The following ATRN variants were observed in gnomAD, a reference collection of about 807,000 sequenced individuals.
The protein encoded by ATRN is attractin-2.
In ATRN, 54 loss-of-function variants were observed where a neutral mutation model predicts 178.7. That is an observed-to-expected ratio of 0.30 (90% CI 0.24 to 0.38). The LOEUF is 0.38. ATRN is among the 10% of genes least tolerant of loss of function. ATRN has a pLI of 1.00. For missense variants in ATRN, 1,443 were observed against 1,815.1 expected, an observed-to-expected ratio of 0.79 and a Z score of 3.73; for synonymous variants, 636 against 663.0, an observed-to-expected ratio of 0.96 and a Z score of 0.63.
rs567831632 is a variant in ATRN at position 3,540,129 on chromosome 20, A to G, written c.495-93A>G. On this transcript the variant is annotated intron_variant, in intron 2 of 28. Coordinates refer to ENST00000262919, the MANE Select transcript of ATRN (RefSeq NM_139321.3). ...TGGGGCAGTTGTTAGACTGTGTTAC[A>G]TATTATTAATTTAAAAATCTGAATT... 2.3e-5 allele frequency: 16 copies of G among 691,228 alleles called. No individual in the cohort carries two copies. In the African/African-American group the frequency reaches 2.6e-4, roughly 11 times the overall value. 42.8% of individuals were successfully genotyped at this position (691,228 alleles called of 1,614,324 possible). A position where few individuals can be genotyped will look rare whatever the true frequency, so the allele number is the denominator to read the frequency against.
chr20:3,571,056 A>G (rs887031461), intron 11 of ATRN, among the ~76,000 whole-genome samples: 1 of 152,222 alleles, frequency 6.6e-6, no homozygotes, highest in East Asian at 1.9e-4. Context: ...ACATAGCAGT[A>G]TATACTGGTG....
At chr20:3,636,749 A>ACTGCC in intron 26 of ATRN, among the ~76,000 whole-genome samples, 2 of 152,304 alleles carry the variant, frequency 1.3e-5, no homozygotes, top group Admixed American at 1.3e-4. Flanking sequence ...CCACATAGTT[A>ACTGCC]ACTAAGAGGC....
intron 6 of ATRN, among the ~76,000 whole-genome samples, chr20:3,550,458 A>G (rs577830860): frequency 4.8e-4 from 73 of 152,236 alleles, no homozygotes; most frequent in African/African-American, 1.7e-3. Context: ...GAACTGGCCC[A>G]ATCTCTATTC....
At chr20:3,615,168 G>A (rs934619179) in intron 24 of ATRN, among the ~76,000 whole-genome samples, 3 of 152,022 alleles carry the variant, frequency 2.0e-5, no homozygotes, top group Non-Finnish European at 4.4e-5. Flanking sequence ...ATATGGTTGT[G>A]CTGTAATTCT....
At chr20:3,600,787 A>C (rs2086597468) in intron 22 of ATRN, among the ~76,000 whole-genome samples, 159 bp from the exon 23 acceptor site, 1 of 152,214 alleles carries the variant, frequency 6.6e-6, no homozygotes, top group Non-Finnish European at 1.5e-5. Context: ...GTATTAAGGA[A>C]AATTGGTTAG....
intron 18 of ATRN, among the ~76,000 whole-genome samples, chr20:3,588,981 G>GTTTTTTTTTTTTTTTTTTTTTTTTTTTTT (rs386393128): frequency 1.0e-5 from 1 of 99,774 alleles, no homozygotes; most frequent in Non-Finnish European, 1.8e-5. Flanking sequence ...ATTTTCTTTT[G>GTTTTTTTTTTTTTTTTTTTTTTTTTTTTT]TTTTTTTTTT....
intron 11 of ATRN, among the ~76,000 whole-genome samples, chr20:3,569,609 A>G (rs1298011112): frequency 2.0e-5 from 3 of 152,174 alleles, no homozygotes; most frequent in African/African-American, 7.2e-5. Context: ...TGTTTTCTTC[A>G]ATAATAAATT....
chr20:3,500,285 A>C (rs1221981770), intron 1 of ATRN, among the ~76,000 whole-genome samples: 1 of 152,226 alleles, frequency 6.6e-6, no homozygotes, highest in Non-Finnish European at 1.5e-5. Context: ...GTGATTCCTC[A>C]GGGATCTAGA....
intron 18 of ATRN, among the ~76,000 whole-genome samples, chr20:3,587,016 T>C: frequency 6.6e-6 from 1 of 152,236 alleles, no homozygotes; most frequent in Non-Finnish European, 1.5e-5. Context: ...CTTCATTAGT[T>C]AGCCTTTTGT....
chr20:3,528,455 A>G (rs1239980946), intron 1 of ATRN, among the ~76,000 whole-genome samples: 3 of 152,142 alleles, frequency 2.0e-5, no homozygotes, highest in African/African-American at 7.2e-5. Flanking sequence ...GCATGGATGC[A>G]GGGAGGCCAT....
chr20:3,476,087 G>C (rs1431886702), intron 1 of ATRN, among the ~76,000 whole-genome samples: 1 of 152,232 alleles, frequency 6.6e-6, no homozygotes, highest in East Asian at 1.9e-4. Flanking sequence ...TGAGGCTGCA[G>C]TGAGCCATAA....
chr20:3,562,946 T>C (rs2085975387), intron 9 of ATRN, among the ~76,000 whole-genome samples: 1 of 152,214 alleles, frequency 6.6e-6, no homozygotes, highest in African/African-American at 2.4e-5. Context: ...ATATTTCACA[T>C]GATTTCTGCC....
rs777854098 is a variant in ATRN, at chr20:3,583,889, C to T, written c.2765-9C>T. ...AGCTCTAAGTGTCTCTCTTGGGTTTCATTCCCAGCAAACCACAGTGCTAAG... is the reference window on the plus strand; with the variant it reads ...AGCTCTAAGTGTCTCTCTTGGGTTTTATTCCCAGCAAACCACAGTGCTAAG... On this transcript the variant is annotated splice_polypyrimidine_tract_variant and intron_variant, in intron 16 of 28. Transcript: ENST00000262919. 1.2e-6 allele frequency: 2 copies of T among 1,611,262 alleles called. No individual in the cohort carries two copies. Among genetic ancestry groups the T allele is most frequent in the Non-Finnish European group, 1.7e-6 (2 of 1,177,696 alleles).
At chr20:3,540,774 G>C (rs1237764012) in intron 3 of ATRN, among the ~76,000 whole-genome samples, 1 of 152,130 alleles carries the variant, frequency 6.6e-6, no homozygotes. Context: ...ATAATTGTGT[G>C]CGTGTGTGTG....
At chr20:3,636,035 C>A (rs1303731951) in intron 26 of ATRN, among the ~76,000 whole-genome samples, 1 of 152,198 alleles carries the variant, frequency 6.6e-6, no homozygotes, top group Non-Finnish European at 1.5e-5. Flanking sequence ...GTGCTACTCT[C>A]TCCAAGAAGG....
intron 3 of ATRN, among the ~76,000 whole-genome samples, chr20:3,542,428 A>G (rs2085635644): frequency 6.6e-6 from 1 of 151,868 alleles, no homozygotes; most frequent in South Asian, 2.1e-4. Context: ...TAGAGCAGAG[A>G]GAGTGGTTGA....
At chr20:3,592,242 A>G (rs1050369238) in intron 19 of ATRN, among the ~76,000 whole-genome samples, 12 of 152,074 alleles carry the variant, frequency 7.9e-5, no homozygotes, top group African/African-American at 2.9e-4. Context: ...TCTACTAAAA[A>G]TAGAAAAATT....
intron 1 of ATRN, among the ~76,000 whole-genome samples, chr20:3,521,761 A>G (rs936142813): frequency 1.3e-5 from 2 of 152,134 alleles, no homozygotes; most frequent in Non-Finnish European, 2.9e-5. Flanking sequence ...GTCTCAATAC[A>G]TTTAAAAGAT....
intron 27 of ATRN, among the ~76,000 whole-genome samples, chr20:3,640,080 GAATAT>G (rs1463380816): frequency 1.3e-5 from 2 of 152,118 alleles, no homozygotes; most frequent in Non-Finnish European, 2.9e-5. Flanking sequence ...GAAATCTAAA[GAATAT>G]AATATAACTG....
Sources: gnomAD v4.1 joint callset for allele counts (sites outside exome capture counted in the v4.1 genomes callset) on GRCh38, gnomAD v4.1.1 for gene constraint, MANE v1.5 for transcripts, NCBI Gene and HGNC (gene_info 2026-07-23, HGNC 2026-07-21) for gene names.